Variants in GPR158 observed in about 807,000 individuals in gnomAD.
GPR158 encodes G protein-coupled receptor 158, also known as metabotropic glycine receptor.
A neutral mutation model predicts 78.2 loss-of-function variants in GPR158; 30 were observed. That is an observed-to-expected ratio of 0.38 (90% confidence interval 0.29 to 0.52). The LOEUF is 0.52. Among genes scored for constraint, GPR158 ranks in the 20% least tolerant of loss-of-function variants. GPR158 has a pLI of 0.83. For missense variants in GPR158, 1,463 were observed against 1,523.5 expected (o/e 0.96, Z 0.66); for synonymous variants, 581 against 591.1 (o/e 0.98, Z 0.25).
intron 4 of GPR158, among the ~76,000 whole-genome samples, chr10:25,430,782 A>T (rs1400307454): frequency 6.8e-6 from 1 of 147,738 alleles, no homozygotes; most frequent in Admixed American, 6.8e-5. Flanking sequence ...TATTTAATAA[A>T]TGGTGCTGGG....
chr10:25,194,964 G>T (rs951203063), intron 1 of GPR158, among the ~76,000 whole-genome samples: 53 of 151,594 alleles, frequency 3.5e-4, no homozygotes, highest in African/African-American at 1.2e-3. Flanking sequence ...TCTCTGCTTT[G>T]TCCATTAATT....
intron 2 of GPR158, among the ~76,000 whole-genome samples, chr10:25,285,686 C>T (rs1854341058): frequency 1.3e-5 from 2 of 152,150 alleles, no homozygotes; most frequent in African/African-American, 2.4e-5. Context: ...TCTTCTCTAA[C>T]CCCATTGGAC....
At chr10:25,452,436 A>G (rs1314240512) in intron 4 of GPR158, among the ~76,000 whole-genome samples, 2 of 152,240 alleles carry the variant, frequency 1.3e-5, no homozygotes, top group Non-Finnish European at 2.9e-5. Context: ...AAAAAACTAC[A>G]GTAAATGGAG....
chr10:25,472,842 C>A (rs371321526), intron 5 of GPR158, among the ~76,000 whole-genome samples: 366 of 152,222 alleles, frequency 2.4e-3, no homozygotes, highest in Non-Finnish European at 4.2e-3. Flanking sequence ...TATCAGCTTA[C>A]GGAGATTTTG....
At chr10:25,322,212 T>C (rs2099652322) in intron 2 of GPR158, among the ~76,000 whole-genome samples, 1 of 151,974 alleles carries the variant, frequency 6.6e-6, no homozygotes, top group African/African-American at 2.4e-5. Flanking sequence ...AAACCCCATC[T>C]CTACTAAAAA....
chr10:25,576,806 G>A (rs1837103966), intron 7 of GPR158, among the ~76,000 whole-genome samples: 1 of 151,996 alleles, frequency 6.6e-6, no homozygotes, highest in Non-Finnish European at 1.5e-5. Flanking sequence ...ATAACATTAG[G>A]GTCTCTTAGA....
chr10:25,512,156 C>G (rs1836094816), intron 5 of GPR158, among the ~76,000 whole-genome samples: 1 of 152,082 alleles, frequency 6.6e-6, no homozygotes, highest in Non-Finnish European at 1.5e-5. Flanking sequence ...TTGATTCCAC[C>G]AATCCATGAG....
intron 2 of GPR158, among the ~76,000 whole-genome samples, chr10:25,350,704 G>A (rs984148333): frequency 2.0e-5 from 3 of 151,948 alleles, no homozygotes; most frequent in African/African-American, 7.2e-5. Flanking sequence ...AGTTTTGGTT[G>A]CCTTGGAGAC....
intron 4 of GPR158, among the ~76,000 whole-genome samples, chr10:25,417,897 C>A (rs1197320253): frequency 2.0e-5 from 3 of 152,100 alleles, no homozygotes; most frequent in African/African-American, 7.2e-5. Context: ...TCCAGTTTCA[C>A]CAGAATTCAT....
chr10:25,192,667 T>A (rs1490984418), intron 1 of GPR158, among the ~76,000 whole-genome samples: 4 of 152,160 alleles, frequency 2.6e-5, no homozygotes, highest in African/African-American at 7.2e-5. Flanking sequence ...AAACTTTTTT[T>A]AAAAGTTATA....
chr10:25,267,142 A>C (rs935302546), intron 2 of GPR158, among the ~76,000 whole-genome samples: 1 of 152,174 alleles, frequency 6.6e-6, no homozygotes, highest in African/African-American at 2.4e-5. Flanking sequence ...AAAAATGATT[A>C]AATGACATAA....
At chr10:25,591,935 A>C (rs372991909) in intron 8 of GPR158, among the ~76,000 whole-genome samples, 62 of 152,178 alleles carry the variant, frequency 4.1e-4, no homozygotes, top group African/African-American at 1.4e-3. Context: ...AATAGGCAAT[A>C]ATAAACCAAT....
At chr10:25,434,227 A>G (rs1384114293) in intron 4 of GPR158, among the ~76,000 whole-genome samples, 4 of 152,172 alleles carry the variant, frequency 2.6e-5, no homozygotes, top group African/African-American at 9.6e-5. Flanking sequence ...GGTGGTAGCA[A>G]TACTAATTAT....
At chr10:25,549,354 T>C (rs1175657264) in intron 5 of GPR158, among the ~76,000 whole-genome samples, 2 of 152,146 alleles carry the variant, frequency 1.3e-5, no homozygotes, top group African/African-American at 2.4e-5. Flanking sequence ...TTTATTCCTA[T>C]TGAACTACTA....
chr10:25,414,494 A>T (rs1457499092), intron 4 of GPR158, among the ~76,000 whole-genome samples: 1 of 152,154 alleles, frequency 6.6e-6, no homozygotes, highest in Non-Finnish European at 1.5e-5. Flanking sequence ...TATAAGGGGG[A>T]TATAAGCTAA....
chr10:25,310,347 G>C (rs1278261454), intron 2 of GPR158, among the ~76,000 whole-genome samples: 3 of 152,084 alleles, frequency 2.0e-5, no homozygotes, highest in African/African-American at 7.2e-5. Context: ...CTCCAAGTTT[G>C]TTCTTTTTCG....
chr10:25,235,778 G>A (rs1853514355), intron 2 of GPR158, among the ~76,000 whole-genome samples: 1 of 145,518 alleles, frequency 6.9e-6, no homozygotes, highest in African/African-American at 2.6e-5. Context: ...TTAACTGCAA[G>A]TTCTACCTCC....
chr10:25,573,895 A>G (rs1225245596), intron 7 of GPR158, among the ~76,000 whole-genome samples: 1 of 152,126 alleles, frequency 6.6e-6, no homozygotes, highest in Non-Finnish European at 1.5e-5. Context: ...ATGGGTATGT[A>G]AAGGGAATGA....
intron 2 of GPR158, among the ~76,000 whole-genome samples, chr10:25,308,592 G>A (rs751222077): frequency 2.0e-5 from 3 of 152,020 alleles, no homozygotes; most frequent in East Asian, 1.9e-4. Flanking sequence ...CAGTTTTCAA[G>A]TACACAGTTC....
Sources: gnomAD v4.1 joint callset for allele counts (sites outside exome capture counted in the v4.1 genomes callset) on GRCh38, gnomAD v4.1.1 for gene constraint, MANE v1.5 for transcripts, NCBI Gene and HGNC (gene_info 2026-07-23, HGNC 2026-07-21) for gene names.